ANKRD26: variants seen among roughly 807,000 people sequenced by gnomAD.
ANKRD26 encodes the protein ankyrin repeat domain-containing protein 26.
A neutral mutation model predicts 208.7 loss-of-function variants in ANKRD26; 141 were observed. The ratio of observed to expected loss-of-function variants is 0.68; its 90% confidence interval spans 0.59 to 0.78. The LOEUF (loss-of-function observed/expected upper bound fraction) is 0.78. ANKRD26 is among the 30% of genes least tolerant of loss of function. The pLI is 0.00. For synonymous variants in ANKRD26, 636 were observed against 660.4 expected (o/e 0.96, Z 0.57); for missense variants, 1,889 against 1,938.7 (o/e 0.97, Z 0.48).
chr10:27,097,788 A>C (rs1316317626), intron 1 of ANKRD26, among the ~76,000 whole-genome samples: 1 of 151,986 alleles, frequency 6.6e-6, no homozygotes. Flanking sequence ...CAAGTACCTG[A>C]GACTACAGGT....
In ANKRD26 at chr10:27,064,101, TA is replaced by T. The variant is rs1414362989; in HGVS notation, c.1270-21del. 1 of 1,509,692 alleles carries T rather than the reference TA, an allele frequency of 6.6e-7. No individual in the cohort carries two copies. The allele number at this position is 1,509,692 out of a possible 1,614,324, so 93.5% of individuals were successfully genotyped here. On this transcript the variant is annotated intron_variant, in intron 11 of 33. Coordinates refer to ENST00000376087, the MANE Select transcript of ANKRD26 (RefSeq NM_014915.3). ...GATACTCTGTTAAAATTAGTATCAATAATGAGTTTCAATTTTACAAAAAGAA... is the reference window on the plus strand; with the variant it reads ...GATACTCTGTTAAAATTAGTATCAATATGAGTTTCAATTTTACAAAAAGAA...
chr10:27,000,561 T>G (rs2134738241), downstream of ANKRD26, among the ~76,000 whole-genome samples: 1 of 152,248 alleles, frequency 6.6e-6, no homozygotes, highest in South Asian at 2.1e-4. Flanking sequence ...GCAAGATAGC[T>G]GAATCCAAGT....
At chr10:27,042,535 G>A (rs1193718227) in intron 20 of ANKRD26, among the ~76,000 whole-genome samples, 2 of 151,986 alleles carry the variant, frequency 1.3e-5, no homozygotes, top group Non-Finnish European at 2.9e-5. Context: ...GGGTGGATCC[G>A]GAGGTCAGGC....
At chr10:26,998,388 A>G (rs1307255733) in intron 4 of ANKRD26, among the ~76,000 whole-genome samples, 2 of 152,192 alleles carry the variant, frequency 1.3e-5, no homozygotes, top group Non-Finnish European at 2.9e-5. Context: ...GGCATCTTTG[A>G]GCCTGTCTTC....
downstream of ANKRD26, among the ~76,000 whole-genome samples, chr10:26,971,661 G>T (rs1301919733): frequency 7.3e-6 from 1 of 137,774 alleles, no homozygotes; most frequent in Non-Finnish European, 1.5e-5. Flanking sequence ...AGGTGACAGA[G>T]TGTGACCATG....
chr10:27,067,338 A>C, intron 9 of ANKRD26, 52 bp from the exon 10 acceptor site: 1 of 1,584,830 alleles, frequency 6.3e-7, no homozygotes, highest in East Asian at 2.3e-5. Context: ...CACTGTATTT[A>C]TTCACTTACC....
chr10:27,046,596 T>C lies in ANKRD26; in HGVS notation c.1815-73A>G, dbSNP rs1403321213. 1.4e-5 allele frequency: 20 copies of C among 1,414,808 alleles called. No homozygotes were observed. The East Asian group carries it at 4.2e-4, about 29-fold the overall frequency. 87.6% of individuals were successfully genotyped at this position (1,414,808 alleles called of 1,614,324 possible). A position where few individuals can be genotyped will look rare whatever the true frequency, so the allele number is the denominator to read the frequency against. On this transcript the variant is annotated intron_variant, in intron 17 of 33. Coordinates refer to ENST00000376087, the MANE Select transcript of ANKRD26 (RefSeq NM_014915.3). ...AAAGAAACAACATGCAGAAAGAGAG[T>C]TAAGGAAAAGAAAGAATAAAAAATC...
intron 16 of ANKRD26, chr10:27,051,798 T>G: frequency 4.1e-6 from 4 of 985,398 alleles, no homozygotes; most frequent in Non-Finnish European, 4.8e-6. Flanking sequence ...AGAAGGTATT[T>G]CCTTTAAGTT....
At chr10:26,948,692 T>C in the ANKRD26 span, among the ~76,000 whole-genome samples, 1 of 152,210 alleles carries the variant, frequency 6.6e-6, no homozygotes, top group African/African-American at 2.4e-5. Context: ...TACAAGATCT[T>C]ATGACAGTTG....
chr10:26,993,185 C>A (rs1165780639), intron 5 of ANKRD26, among the ~76,000 whole-genome samples: 1 of 152,194 alleles, frequency 6.6e-6, no homozygotes, highest in Non-Finnish European at 1.5e-5. Flanking sequence ...TTGGCAGGGT[C>A]TGAATTACTC....
chr10:27,012,643 T>G (rs1163227276), intron 32 of ANKRD26, among the ~76,000 whole-genome samples: 1 of 151,966 alleles, frequency 6.6e-6, no homozygotes, highest in Non-Finnish European at 1.5e-5. Flanking sequence ...TGAAACCCAG[T>G]CTCTACTAGA....
intron 25 of ANKRD26, 89 bp downstream of exon 25, chr10:27,033,133 AAAG>A: frequency 3.3e-6 from 3 of 922,794 alleles, no homozygotes; most frequent in Non-Finnish European, 3.0e-6. Context: ...TGAAAACACA[AAAG>A]AAGGCTACCC....
downstream of ANKRD26, among the ~76,000 whole-genome samples, chr10:26,971,651 A>C (rs1019133728): frequency 1.4e-5 from 2 of 141,550 alleles, no homozygotes; most frequent in East Asian, 4.3e-4. Context: ...ACTCCAGCCT[A>C]GGTGACAGAG....
intron 9 of ANKRD26, among the ~76,000 whole-genome samples, chr10:27,071,159 A>ACTTT (rs2055475347): frequency 1.2e-5 from 1 of 85,838 alleles, no homozygotes; most frequent in Admixed American, 1.5e-4. Flanking sequence ...TGCTACATTC[A>ACTTT]TTTTTTTTTT....
chr10:27,057,674 C>CAG (rs2054884818), intron 15 of ANKRD26, among the ~76,000 whole-genome samples: 1 of 152,252 alleles, frequency 6.6e-6, no homozygotes, highest in African/African-American at 2.4e-5. Flanking sequence ...CACAGTGGCT[C>CAG]ACACCTGTAA....
At chr10:26,987,970 C>T (rs1176853752), downstream of ANKRD26, among the ~76,000 whole-genome samples, 1 of 152,130 alleles carries the variant, frequency 6.6e-6, no homozygotes, top group Non-Finnish European at 1.5e-5. Context: ...TGGTCAGTAG[C>T]CCAGGTGCCG....
intron 20 of ANKRD26, among the ~76,000 whole-genome samples, chr10:27,041,392 A>T (rs913702876): frequency 6.6e-6 from 1 of 152,210 alleles, no homozygotes; most frequent in African/African-American, 2.4e-5. Flanking sequence ...GTGCTTCCAC[A>T]GCACCAGGAA....
At chr10:27,099,130 A>G (rs148363972) in intron 1 of ANKRD26, among the ~76,000 whole-genome samples, 5 of 152,216 alleles carry the variant, frequency 3.3e-5, no homozygotes, top group African/African-American at 1.2e-4. Flanking sequence ...AGCTGAGATT[A>G]CAGGCTCCCA....
the ANKRD26 span, among the ~76,000 whole-genome samples, chr10:26,965,882 A>G: frequency 1.3e-5 from 2 of 152,230 alleles, no homozygotes; most frequent in African/African-American, 4.8e-5. Flanking sequence ...TATGAAAAAA[A>G]AACTCAACAT....
Sources: allele counts gnomAD v4.1 joint callset (sites outside exome capture counted in the v4.1 genomes callset), GRCh38; gene constraint gnomAD v4.1.1; transcripts MANE v1.5; gene names NCBI Gene and HGNC (gene_info 2026-07-23, HGNC 2026-07-21).